ESRRB: variants seen among roughly 807,000 people sequenced by gnomAD.
The protein encoded by ESRRB is estrogen related receptor beta, also known as steroid hormone receptor ERR2.
ESRRB carries 16 observed loss-of-function variants against 46.0 expected under a neutral mutation model. The observed-to-expected ratio is 0.35, with a 90% CI of 0.24 to 0.53. The LOEUF is 0.53. Ranked by LOEUF, ESRRB falls within the 20% of genes least tolerant of loss-of-function variation. ESRRB has a pLI of 0.93. For synonymous variants in ESRRB, 246 were observed against 259.6 expected (o/e 0.95, Z 0.50); for missense variants, 488 against 607.4 (o/e 0.80, Z 2.07).
intron 1 of ESRRB, among the ~76,000 whole-genome samples, chr14:76,354,416 T>C (rs1884354014): frequency 6.6e-6 from 1 of 152,042 alleles, no homozygotes; most frequent in Non-Finnish European, 1.5e-5. Flanking sequence ...CAGGCTCACA[T>C]AGCAGCAGCC....
At chr14:76,332,775 T>A (rs1397636636) in intron 1 of ESRRB, among the ~76,000 whole-genome samples, 19 of 12,878 alleles carry the variant, frequency 1.5e-3, no homozygotes, top group African/African-American at 4.9e-3. Context: ...ATAATATATA[T>A]TATATATTAT....
At chr14:76,498,137 C>T in intron 6 of ESRRB, 77 bp from the exon 7 acceptor site, 1 of 1,582,852 alleles carries the variant, frequency 6.3e-7, no homozygotes. Flanking sequence ...CATGCTGCCT[C>T]CTGGACCCCA....
intron 2 of ESRRB, among the ~76,000 whole-genome samples, chr14:76,451,666 G>T (rs1057100219): frequency 3.6e-4 from 54 of 152,066 alleles, no homozygotes; most frequent in African/African-American, 1.3e-3. Context: ...TTGCTATGTT[G>T]CCCAGGCTGG....
At chr14:76,455,242 T>C (rs1463149085) in intron 2 of ESRRB, among the ~76,000 whole-genome samples, 2 of 152,102 alleles carry the variant, frequency 1.3e-5, no homozygotes, top group Non-Finnish European at 2.9e-5. Flanking sequence ...ATATGTTTTA[T>C]AATGAAGGAT....
chr14:76,474,670 A>C (rs554622669), intron 3 of ESRRB, among the ~76,000 whole-genome samples: 2 of 151,872 alleles, frequency 1.3e-5, no homozygotes, highest in Non-Finnish European at 2.9e-5. Flanking sequence ...GTGAAACCCT[A>C]TCTCTACAAA....
chr14:76,341,440 G>A (rs1480450228), intron 1 of ESRRB, among the ~76,000 whole-genome samples: 4 of 152,184 alleles, frequency 2.6e-5, no homozygotes, highest in Non-Finnish European at 5.9e-5. Flanking sequence ...AAGCCCTCAG[G>A]TTTCACCCGG....
At position 76,462,003 on chromosome 14, in the gene ESRRB, A is replaced by C. The variant is rs538563898; in HGVS notation, c.461-542A>C. Among the ~76,000 whole-genome samples the C allele has an allele frequency of 2.6e-5, 4 of 152,356 alleles. No homozygotes were observed. In the East Asian group the frequency reaches 5.8e-4, roughly 22 times the overall value. On this transcript the variant is annotated intron_variant, in intron 2 of 6. Coordinates refer to ENST00000644823, the MANE Select transcript of ESRRB (RefSeq NM_001379180.1). ...CTGTTTTGAAGATGAAGAAATTTCA[A>C]CTTGGTCAGAGGAAAGTATATCCTC...
At chr14:76,349,515 C>T (rs1241720729) in intron 1 of ESRRB, among the ~76,000 whole-genome samples, 2 of 152,168 alleles carry the variant, frequency 1.3e-5, no homozygotes, top group African/African-American at 2.4e-5. Context: ...TGCTCAAGAT[C>T]TCCAGGGTCT....
intron 2 of ESRRB, among the ~76,000 whole-genome samples, chr14:76,443,560 TG>T (rs1241825886): frequency 2.0e-5 from 3 of 152,224 alleles, no homozygotes; most frequent in Non-Finnish European, 4.4e-5. Context: ...CTTTCTAAAT[TG>T]GAAGGTTGTC....
chr14:76,469,944 C>CTTTTTTTTTTTTTTTTTTTTTTT (rs1178018542), intron 3 of ESRRB, among the ~76,000 whole-genome samples: 16 of 73,072 alleles, frequency 2.2e-4, no homozygotes, highest in Non-Finnish European at 3.3e-4. Context: ...TTTTTTTTTT[C>CTTTTTTTTTTTTTTTTTTTTTTT]TTTTTTTTTT....
chr14:76,424,978 C>A (rs1887135535), intron 1 of ESRRB, among the ~76,000 whole-genome samples: 1 of 152,198 alleles, frequency 6.6e-6, no homozygotes, highest in Admixed American at 6.5e-5. Context: ...CTCAAGCGAT[C>A]TGCCCGCCTC....
At chr14:76,405,076 G>C (rs1211316975) in intron 1 of ESRRB, among the ~76,000 whole-genome samples, 1 of 152,228 alleles carries the variant, frequency 6.6e-6, no homozygotes, top group South Asian at 2.1e-4. Context: ...GGAAGGATGG[G>C]CTCGCAGATT....
chr14:76,365,179 G>C (rs1350861927), intron 1 of ESRRB, among the ~76,000 whole-genome samples: 1 of 152,134 alleles, frequency 6.6e-6, no homozygotes, highest in African/African-American at 2.4e-5. Context: ...TTTGTTTTTA[G>C]AATCACTGTG....
chr14:76,363,859 T>C (rs1041125568), intron 1 of ESRRB, among the ~76,000 whole-genome samples: 3 of 152,210 alleles, frequency 2.0e-5, no homozygotes, highest in African/African-American at 7.2e-5. Context: ...AGGACAGGTT[T>C]GGGGTGAGCT....
chr14:76,312,924 C>T lies in ESRRB; in HGVS notation c.2+2008C>T, dbSNP rs527379297. On this transcript the variant is annotated intron_variant, in intron 1 of 6. Transcript: ENST00000512784. ...AACAAATTCTACCTCCCCTCCCCAA[C>T]CTGCACACTGGAGCCTGCCTGGCCC... Among the ~76,000 whole-genome samples, 19 of 152,272 alleles carry T rather than the reference C, an allele frequency of 1.2e-4. No individual in the cohort carries two copies. In the South Asian group the frequency reaches 3.7e-3, roughly 30 times the overall value.
At chr14:76,464,496 G>A (rs569605445) in intron 3 of ESRRB, among the ~76,000 whole-genome samples, 1 of 152,296 alleles carries the variant, frequency 6.6e-6, no homozygotes, top group South Asian at 2.1e-4. Flanking sequence ...TCTTGAAGCA[G>A]GCCCTCGGCG....
intron 1 of ESRRB, among the ~76,000 whole-genome samples, chr14:76,354,036 T>C (rs555414965): frequency 1.3e-4 from 20 of 152,238 alleles, no homozygotes; most frequent in African/African-American, 3.6e-4. Flanking sequence ...GCAGCCTGAC[T>C]CCAAGCCTAT....
At chr14:76,387,748 T>C (rs945286892) in intron 1 of ESRRB, among the ~76,000 whole-genome samples, 2 of 152,212 alleles carry the variant, frequency 1.3e-5, no homozygotes, top group Non-Finnish European at 2.9e-5. Context: ...ATACTGGTGT[T>C]CAGATGCTCT....
rs1379225693 is a variant in ESRRB, at chr14:76,332,821, T to A, written c.2+21905T>A. Among the ~76,000 whole-genome samples, 271 of 22,230 alleles carry A rather than the reference T, an allele frequency of 0.012. 16 individuals are homozygous for A. The Middle Eastern group carries it at 0.14, about 11-fold the overall frequency. The allele number at this position is 22,230 out of a possible 152,430, so 14.6% of individuals were successfully genotyped here. Reference sequence around the variant, plus strand: ...ATAATATATTTATATATTATATATTTATATATTTATATATTATATATTTAT... The same window carrying A: ...ATAATATATTTATATATTATATATTAATATATTTATATATTATATATTTAT... On this transcript the variant is annotated intron_variant, in intron 1 of 6. Transcript: ENST00000512784.
Sources: gnomAD v4.1 joint callset for allele counts (sites outside exome capture counted in the v4.1 genomes callset) on GRCh38, gnomAD v4.1.1 for gene constraint, MANE v1.5 for transcripts, NCBI Gene and HGNC (gene_info 2026-07-23, HGNC 2026-07-21) for gene names.